The following CCDC138 variants were observed in gnomAD, a reference collection of about 807,000 sequenced individuals.
The protein encoded by CCDC138 is coiled-coil domain containing 138.
A neutral mutation model predicts 82.3 loss-of-function variants in CCDC138; 66 were observed. That is an observed-to-expected ratio of 0.80 (90% CI 0.66 to 0.98). The LOEUF is 0.98. Among genes scored for constraint, CCDC138 ranks in the 50% least tolerant of loss-of-function variants. The pLI is 0.00. For synonymous variants in CCDC138, 297 were observed against 265.4 expected, an observed-to-expected ratio of 1.12 and a Z score of -1.16; for missense variants, 816 against 758.9, an observed-to-expected ratio of 1.08 and a Z score of -0.88.
intron 12 of CCDC138, among the ~76,000 whole-genome samples, chr2:108,850,702 C>T (rs1317271718): frequency 6.6e-6 from 1 of 152,178 alleles, no homozygotes; most frequent in Admixed American, 6.6e-5. Context: ...CTGCCCGCCT[C>T]AACCTCCCAA....
chr2:108,826,987 A>G (rs1361943590), intron 10 of CCDC138, among the ~76,000 whole-genome samples: 1 of 152,176 alleles, frequency 6.6e-6, no homozygotes, highest in Non-Finnish European at 1.5e-5. Context: ...CAGTATTTTT[A>G]TTCTTTTTGA....
At chr2:108,808,358 T>C (rs1262542759) in intron 7 of CCDC138, among the ~76,000 whole-genome samples, 1 of 152,230 alleles carries the variant, frequency 6.6e-6, no homozygotes, top group Non-Finnish European at 1.5e-5. Flanking sequence ...TGATTTTCTC[T>C]CCTGTGAATA....
intron 2 of CCDC138, chr2:108,883,945 T>A (rs1696362014): frequency 2.9e-5 from 1 of 34,348 alleles, no homozygotes; most frequent in Non-Finnish European, 8.3e-5. Flanking sequence ...TGAGGCAGAG[T>A]CTCTCACAGG....
At chr2:108,796,977 C>G (rs1310343836) in intron 5 of CCDC138, among the ~76,000 whole-genome samples, 1 of 152,116 alleles carries the variant, frequency 6.6e-6, no homozygotes, top group East Asian at 1.9e-4. Flanking sequence ...TTGTAATGTT[C>G]TCAACACAAA....
At position 108,850,915 on chromosome 2, in the gene CCDC138, A is replaced by G. The variant is rs148126344; in HGVS notation, c.1516+3985A>G. Among the ~76,000 whole-genome samples, 4 of 152,166 alleles carry G rather than the reference A, an allele frequency of 2.6e-5. No homozygotes were observed. In the East Asian group the frequency reaches 7.7e-4, roughly 29 times the overall value. ...CAAGCAGCAGACACAAGCTGCTCCA[A>G]TTCACTTCTGACACGATCCACCTGG... On this transcript the variant is annotated intron_variant, in intron 12 of 14. Transcript: ENST00000295124.
At chr2:108,804,849 T>C (rs1478457601) in intron 6 of CCDC138, 40 bp from the exon 7 acceptor site, 3 of 1,468,290 alleles carry the variant, frequency 2.0e-6, no homozygotes, top group Non-Finnish European at 2.7e-6. Flanking sequence ...TATACAGTCC[T>C]TACAAGTTTT....
In CCDC138 at chr2:108,873,453, T is replaced by C. The variant is rs1157955363; in HGVS notation, c.1696T>C (p.Ser566Pro). ...SLLQMTVESK[S>P]LQPFLEACSN... The stretch of plus-strand genomic sequence containing the variant: ...AGCACTGTTGATTTGTTTTGCAGAA[T>C]CCTTGCAGCCTTTCCTGGAAGCCTG... Residue 566 changes from serine to proline, a missense_variant and splice_region_variant, in exon 14 of 15, where the codon TCC becomes CCC. Transcript: ENST00000295124. 6.3e-7 allele frequency: 1 copy of C among 1,587,450 alleles called. No homozygotes were observed. The highest frequency in any genetic ancestry group is 1.2e-5 in the South Asian group (1 of 83,880).
At chr2:108,798,149 G>A (rs542903594) in intron 5 of CCDC138, among the ~76,000 whole-genome samples, 35 of 152,164 alleles carry the variant, frequency 2.3e-4, no homozygotes, top group African/African-American at 8.2e-4. Flanking sequence ...AAGCTGGATC[G>A]GGAACTAAAT....
At chr2:108,859,423 T>TG (rs1693192824) in intron 13 of CCDC138, among the ~76,000 whole-genome samples, 1 of 152,200 alleles carries the variant, frequency 6.6e-6, no homozygotes, top group Non-Finnish European at 1.5e-5. Flanking sequence ...GTTGTCAATT[T>TG]TTATTTTTAT....
intron 10 of CCDC138, among the ~76,000 whole-genome samples, chr2:108,818,905 G>A (rs950343302): frequency 6.6e-6 from 1 of 151,904 alleles, no homozygotes; most frequent in African/African-American, 2.4e-5. Context: ...CCATTGAGGA[G>A]TAAATTTGAT....
chr2:108,855,784 A>G (rs1692498637), intron 12 of CCDC138, among the ~76,000 whole-genome samples: 1 of 152,200 alleles, frequency 6.6e-6, no homozygotes, highest in Non-Finnish European at 1.5e-5. Flanking sequence ...ATTACTTATT[A>G]TGTAAGCTGA....
At chr2:108,810,911 C>T (rs1302028627) in intron 7 of CCDC138, among the ~76,000 whole-genome samples, 1 of 152,018 alleles carries the variant, frequency 6.6e-6, no homozygotes, top group Non-Finnish European at 1.5e-5. Context: ...TTCAGTCTTA[C>T]GTTATATGTG....
At chr2:108,803,889 T>C (rs1011706671) in intron 6 of CCDC138, among the ~76,000 whole-genome samples, 1 of 152,202 alleles carries the variant, frequency 6.6e-6, no homozygotes, top group Admixed American at 6.5e-5. Context: ...CTTTTAGATA[T>C]GGAAAAAGTT....
chr2:108,810,177 A>G (rs1683556894), intron 7 of CCDC138, among the ~76,000 whole-genome samples: 1 of 152,158 alleles, frequency 6.6e-6, no homozygotes, highest in Non-Finnish European at 1.5e-5. Context: ...TTCTAGTACC[A>G]TGTTCAACAA....
chr2:108,819,720 C>T (rs1315117126), intron 10 of CCDC138, among the ~76,000 whole-genome samples: 1 of 152,112 alleles, frequency 6.6e-6, no homozygotes, highest in Non-Finnish European at 1.5e-5. Flanking sequence ...GTTGTAAAGA[C>T]TCAGAAAGGT....
chr2:108,849,592 A>AT (rs1231424267), intron 12 of CCDC138, among the ~76,000 whole-genome samples: 1 of 152,116 alleles, frequency 6.6e-6, no homozygotes, highest in Non-Finnish European at 1.5e-5. Flanking sequence ...GTTGTGAACG[A>AT]TTCTTTCTCA....
At chr2:108,827,867 G>A (rs551794884) in intron 10 of CCDC138, among the ~76,000 whole-genome samples, 1 of 150,790 alleles carries the variant, frequency 6.6e-6, no homozygotes, top group South Asian at 2.1e-4. Context: ...ACATACTTTT[G>A]GATCACTGTT....
At chr2:108,851,866 T>C (rs1351930050) in intron 12 of CCDC138, among the ~76,000 whole-genome samples, 1 of 152,164 alleles carries the variant, frequency 6.6e-6, no homozygotes, top group African/African-American at 2.4e-5. Flanking sequence ...ACTAAGCTCT[T>C]TATACCTTAT....
chr2:108,853,410 CTA>C (rs1691866386), intron 12 of CCDC138, among the ~76,000 whole-genome samples: 2 of 151,942 alleles, frequency 1.3e-5, no homozygotes, highest in African/African-American at 4.8e-5. Flanking sequence ...ATACAGAAAT[CTA>C]TGTGTATTTT....
Sources: allele counts gnomAD v4.1 joint callset (sites outside exome capture counted in the v4.1 genomes callset), GRCh38; gene constraint gnomAD v4.1.1; transcripts MANE v1.5; gene names NCBI Gene and HGNC (gene_info 2026-07-23, HGNC 2026-07-21).